Variants in MCU observed in about 807,000 individuals in gnomAD.
MCU encodes the protein calcium uniporter protein, mitochondrial.
MCU carries 12 observed loss-of-function variants against 45.2 expected under a neutral mutation model. The observed-to-expected ratio is 0.27, with a 90% confidence interval of 0.17 to 0.43. The LOEUF (loss-of-function observed/expected upper bound fraction) is 0.43, where lower values mean the gene tolerates loss of function less well. Ranked by LOEUF, MCU falls within the 20% of genes least tolerant of loss-of-function variation. The probability of loss-of-function intolerance (pLI) is 1.00; values close to 1 mark genes in which losing one functional copy is unlikely to be tolerated. For synonymous variants in MCU, 160 were observed against 165.1 expected (o/e 0.97, Z 0.24); for missense variants, 324 against 436.7 (o/e 0.74, Z 2.30).
intron 1 of MCU, among the ~76,000 whole-genome samples, chr10:72,708,743 G>C (rs1360041952): frequency 2.0e-5 from 3 of 152,144 alleles, no homozygotes; most frequent in Non-Finnish European, 2.9e-5. Context: ...ACTTCTCTTT[G>C]ATTCATGAAG....
chr10:72,765,803 A>G (rs545468610), intron 1 of MCU, among the ~76,000 whole-genome samples: 9 of 151,432 alleles, frequency 5.9e-5, no homozygotes, highest in East Asian at 1.9e-4. Context: ...AAAAAAAAAA[A>G]AAAAAGAAAG....
intron 1 of MCU, among the ~76,000 whole-genome samples, chr10:72,695,241 A>G (rs1842671451): frequency 6.6e-6 from 1 of 152,188 alleles, no homozygotes; most frequent in African/African-American, 2.4e-5. Flanking sequence ...TCTTTTACTT[A>G]AGTCTGTCAT....
At chr10:72,875,575 A>T (rs973129145) in intron 6 of MCU, among the ~76,000 whole-genome samples, 1 of 152,212 alleles carries the variant, frequency 6.6e-6, no homozygotes. Context: ...TAACATACCC[A>T]TCTTATTACC....
intron 1 of MCU, among the ~76,000 whole-genome samples, chr10:72,794,287 A>G (rs1442187214): frequency 6.6e-6 from 1 of 152,170 alleles, no homozygotes; most frequent in African/African-American, 2.4e-5. Context: ...TAGGATCACC[A>G]CTACAGACCC....
intron 1 of MCU, among the ~76,000 whole-genome samples, chr10:72,718,432 T>G (rs567263583): frequency 2.6e-5 from 4 of 152,338 alleles, no homozygotes; most frequent in Admixed American, 2.6e-4. Context: ...ATTGCCTCCT[T>G]TGGGAATGAT....
At chr10:72,709,860 GCTTT>G (rs1408484639) in intron 1 of MCU, among the ~76,000 whole-genome samples, 2 of 152,100 alleles carry the variant, frequency 1.3e-5, no homozygotes, top group Non-Finnish European at 2.9e-5. Context: ...TCCAGTCAGT[GCTTT>G]CTTTAAGTTT....
intron 4 of MCU, among the ~76,000 whole-genome samples, chr10:72,862,100 A>G (rs1262971335): frequency 2.0e-5 from 3 of 151,034 alleles, no homozygotes; most frequent in South Asian, 2.1e-4. Context: ...TCCTGCCTCA[A>G]CCTCCTGAGT....
chr10:72,777,643 A>G (rs531428363), intron 1 of MCU, among the ~76,000 whole-genome samples: 1 of 152,348 alleles, frequency 6.6e-6, no homozygotes, highest in South Asian at 2.1e-4. Context: ...CTAGGCAAAG[A>G]TTTTTTGGGT....
intron 2 of MCU, among the ~76,000 whole-genome samples, chr10:72,844,512 T>A (rs1387417187): frequency 6.6e-6 from 1 of 152,166 alleles, no homozygotes; most frequent in Admixed American, 6.6e-5. Flanking sequence ...AAGGCTGCAG[T>A]GAGCCCTGAT....
chr10:72,732,208 C>A (rs57432097), intron 1 of MCU, among the ~76,000 whole-genome samples: 1 of 152,104 alleles, frequency 6.6e-6, no homozygotes, highest in East Asian at 1.9e-4. Context: ...TGATGTTCAG[C>A]GTATCTTTGG....
chr10:72,785,238 A>G (rs781406622), intron 1 of MCU, among the ~76,000 whole-genome samples: 11 of 152,180 alleles, frequency 7.2e-5, no homozygotes, highest in Non-Finnish European at 1.6e-4. Flanking sequence ...GTGTCTCTGC[A>G]ACAAGGTTAG....
chr10:72,694,618 C>T (rs1312444570), intron 1 of MCU, among the ~76,000 whole-genome samples: 1 of 152,134 alleles, frequency 6.6e-6, no homozygotes, highest in Non-Finnish European at 1.5e-5. Flanking sequence ...TGGTAAAGGT[C>T]CCTGAGAGAC....
chr10:72,871,108 C>T (rs1845536077), intron 5 of MCU, among the ~76,000 whole-genome samples: 1 of 152,132 alleles, frequency 6.6e-6, no homozygotes, highest in South Asian at 2.1e-4. Flanking sequence ...CCATGTCGCC[C>T]AGGCTGGTCT....
chr10:72,863,982 A>T (rs1845417173), intron 4 of MCU, among the ~76,000 whole-genome samples: 1 of 152,156 alleles, frequency 6.6e-6, no homozygotes, highest in Admixed American at 6.5e-5. Context: ...AATTATCAAA[A>T]CTTATGCACA....
chr10:72,725,077 C>T (rs987106048), intron 1 of MCU, among the ~76,000 whole-genome samples: 1 of 111,710 alleles, frequency 9.0e-6, no homozygotes, highest in Non-Finnish European at 2.4e-5. Context: ...GATCCTCCCA[C>T]CTCAGCCTCT....
chr10:72,885,816 A>G lies in MCU; in HGVS notation c.1050A>G (p.Lys350=). ...TGCCTCTCCGACAAATTGGTGAAAA[A>G]GATTGATCTGCAAAAAGCCTCTGAA... ...VHLPLRQIGE[K]D The change falls in exon 8 of 8, where the codon AAA becomes AAG. Residue 350 remains lysine (K), a synonymous_variant. Transcript: ENST00000373053. 6.2e-7 allele frequency: 1 copy of G among 1,613,222 alleles called. No homozygotes were observed. Among genetic ancestry groups the G allele is most frequent in the Non-Finnish European group, 8.5e-7 (1 of 1,179,256 alleles).
chr10:72,871,592 C>T lies in MCU; in HGVS notation c.861+12C>T, dbSNP rs1472442249. The T allele has an allele frequency of 1.2e-6, 2 of 1,603,596 alleles. No individual in the cohort carries two copies. Among genetic ancestry groups the T allele is most frequent in the African/African-American group, 2.7e-5 (2 of 74,744 alleles). ...TAATGACACGCCAGGTAAGAATTCT[C>T]TTCAAGTAACTTTTTATGAGATAGT... On this transcript the variant is annotated intron_variant, in intron 6 of 7. Coordinates refer to ENST00000373053, the MANE Select transcript of MCU (RefSeq NM_138357.3).
chr10:72,794,213 C>T (rs1284988227), intron 1 of MCU, among the ~76,000 whole-genome samples: 1 of 152,090 alleles, frequency 6.6e-6, no homozygotes, highest in Non-Finnish European at 1.5e-5. Context: ...GATTTGAAGA[C>T]CTTTTACTAA....
At chr10:72,805,081 C>G (rs188192693) in intron 1 of MCU, among the ~76,000 whole-genome samples, 1,691 of 142,236 alleles carry the variant, frequency 0.012, 27 homozygotes, top group African/African-American at 0.031. Context: ...TAGTTTGTTT[C>G]TTTCTTTCTT....
Sources: gnomAD v4.1 joint callset for allele counts (sites outside exome capture counted in the v4.1 genomes callset) on GRCh38, gnomAD v4.1.1 for gene constraint, MANE v1.5 for transcripts, NCBI Gene and HGNC (gene_info 2026-07-23, HGNC 2026-07-21) for gene names.